The following NCAN variants were observed in gnomAD, a reference collection of about 807,000 sequenced individuals.
NCAN encodes neurocan core protein.
Under a neutral mutation model 121.8 loss-of-function variants are expected in NCAN, and 47 were observed. The ratio of observed to expected loss-of-function variants is 0.39; its 90% CI spans 0.31 to 0.49. The LOEUF is 0.49. Among genes scored for constraint, NCAN ranks in the 20% least tolerant of loss-of-function variants. The probability of loss-of-function intolerance (pLI) is 0.92; values close to 1 mark genes in which losing one functional copy is unlikely to be tolerated. For missense variants in NCAN, 1,517 were observed against 1,773.4 expected (o/e 0.86, Z 2.60); for synonymous variants, 633 against 702.0 (o/e 0.90, Z 1.55).
intron 13 of NCAN, among the ~76,000 whole-genome samples, chr19:19,248,216 G>A (rs569941033): frequency 6.6e-6 from 1 of 152,190 alleles, no homozygotes; most frequent in East Asian, 1.9e-4. Flanking sequence ...AGGACAAGGT[G>A]GGCAGCTCAT....
At chr19:19,216,135 A>G (rs1432460420) in intron 1 of NCAN, among the ~76,000 whole-genome samples, 1 of 151,800 alleles carries the variant, frequency 6.6e-6, no homozygotes, top group Non-Finnish European at 1.5e-5. Flanking sequence ...CATTGCTTGG[A>G]TTGTTTTTTG....
At chr19:19,213,688 G>T (rs1394962631) in intron 1 of NCAN, among the ~76,000 whole-genome samples, 1 of 152,018 alleles carries the variant, frequency 6.6e-6, no homozygotes, top group Non-Finnish European at 1.5e-5. Flanking sequence ...TATCTGGAGG[G>T]GCCAAGGGTT....
At chr19:19,248,938 A>C (rs1009793684) in intron 14 of NCAN, 56 bp downstream of exon 14, 49 of 1,569,572 alleles carry the variant, frequency 3.1e-5, no homozygotes, top group Non-Finnish European at 4.2e-5. Flanking sequence ...CTAGTTTCCA[A>C]GTAAGACATC....
At chr19:19,214,049 T>C (rs1222395169) in intron 1 of NCAN, among the ~76,000 whole-genome samples, 5 of 151,990 alleles carry the variant, frequency 3.3e-5, no homozygotes, top group African/African-American at 1.2e-4. Flanking sequence ...ACCCACCACA[T>C]GGCACAACCG....
At chr19:19,218,597 T>C (rs1440612297) in intron 2 of NCAN, among the ~76,000 whole-genome samples, 2 of 151,978 alleles carry the variant, frequency 1.3e-5, no homozygotes, top group Non-Finnish European at 2.9e-5. Flanking sequence ...CTCAGCCTCC[T>C]GAGTAGCTGG....
chr19:19,240,545 G>T, intron 11 of NCAN, 58 bp from the exon 12 acceptor site: 1 of 1,562,934 alleles, frequency 6.4e-7, no homozygotes, highest in Admixed American at 1.7e-5. Flanking sequence ...TGCAGCCTGT[G>T]CCCTGGGCCA....
At chr19:19,216,527 G>T (rs1226899802) in intron 1 of NCAN, among the ~76,000 whole-genome samples, 1 of 152,088 alleles carries the variant, frequency 6.6e-6, no homozygotes, top group Non-Finnish European at 1.5e-5. Context: ...GGTAAGGCTG[G>T]TCTCGAACCC....
rs962349863 is a variant in NCAN, at chr19:19,229,167, C to G, written c.3019+528C>G. Among the ~76,000 whole-genome samples the G allele has an allele frequency of 5.3e-5, 8 of 152,300 alleles. No individual in the cohort carries two copies. The East Asian group carries it at 1.5e-3, about 29-fold the overall frequency. ...AGGTTGCAGTGAGCTGAGATTGTAC[C>G]ACTGCACTTCCAGCCTGGGTGACAG... On this transcript the variant is annotated intron_variant, in intron 8 of 14. Transcript: ENST00000252575.
rs185683851 is a variant in NCAN, at chr19:19,232,483, G to A, written c.3020-1306G>A. On this transcript the variant is annotated intron_variant, in intron 8 of 14. Coordinates refer to ENST00000252575, the MANE Select transcript of NCAN (RefSeq NM_004386.3). ...CACAGGCCCTGCCATCCACAAGCCC[G>A]TTTGCCATCCATGGGGCCACCCCAG... Among the ~76,000 whole-genome samples the A allele has an allele frequency of 1.4e-4, 21 of 152,336 alleles. No individual in the cohort carries two copies. In the East Asian group the frequency reaches 3.3e-3, roughly 24 times the overall value.
chr19:19,241,512 C>G (rs562509554), intron 12 of NCAN, among the ~76,000 whole-genome samples: 2 of 151,890 alleles, frequency 1.3e-5, no homozygotes, highest in Non-Finnish European at 2.9e-5. Context: ...CCCCTTCTCC[C>G]GCTGTGTAAA....
Position 19,249,938 on chromosome 19 carries a change from C to T in NCAN, c.*27C>T, listed in dbSNP as rs759520331. 2 of 1,598,332 alleles carry T rather than the reference C, an allele frequency of 1.3e-6. No homozygotes were observed. Among genetic ancestry groups the T allele is most frequent in the Non-Finnish European group, 8.5e-7 (1 of 1,171,676 alleles). On this transcript the variant is annotated 3_prime_UTR_variant, in exon 15 of 15. Coordinates refer to ENST00000252575, the MANE Select transcript of NCAN (RefSeq NM_004386.3). ...GAACCAGAAAAAAGAAAGCACAACA[C>T]CTTTCCCATGCCTCCTCTGGAGCCT... is the stretch of plus-strand genomic sequence containing the variant.
intron 8 of NCAN, among the ~76,000 whole-genome samples, chr19:19,231,345 T>G (rs1452563016): frequency 6.6e-6 from 1 of 151,244 alleles, no homozygotes; most frequent in East Asian, 2.0e-4. Flanking sequence ...TTTTTTTTTT[T>G]TGAGAGAGAG....
Position 19,233,849 on chromosome 19 carries a change from G to T in NCAN, c.3080G>T (p.Gly1027Val), listed in dbSNP as rs760561094. The T allele has an allele frequency of 1.2e-6, 2 of 1,613,986 alleles. No homozygotes were observed. Among genetic ancestry groups the T allele is most frequent in the East Asian group, 2.2e-5 (1 of 44,890 alleles). The change falls in exon 9 of 15, where the codon GGC (glycine) becomes GTC (valine). Residue 1027 changes from glycine to valine, a missense_variant. Coordinates refer to ENST00000252575, the MANE Select transcript of NCAN (RefSeq NM_004386.3). ...CLHGGTCNAN[G>V]TMYGCSCDQG... ...CATGGAGGGACATGTAATGCCAATG[G>T]CACCATGTATGGCTGTAGCTGTGAT...
Position 19,219,041 on chromosome 19 carries a change from C to T in NCAN, c.200C>T (p.Pro67Leu). 6.2e-7 allele frequency: 1 copy of T among 1,612,040 alleles called. No homozygotes were observed. The highest frequency in any genetic ancestry group is 1.3e-5 in the African/African-American group (1 of 75,030). ...TGTCTCTTTACCCTGCAGCCACGGC[C>T]AAGCGCAGCCCGAGATGCCCCTCGG... ...LPCLFTLQPR[P>L]SAARDAPRIK... Residue 67 changes from proline to leucine, a missense_variant, in exon 3 of 15, where the codon CCA becomes CTA. Transcript: ENST00000252575.
Position 19,245,812 on chromosome 19 carries a change from G to T in NCAN, c.3637+355G>T, listed in dbSNP as rs1181157411. 4.6e-5 allele frequency among the ~76,000 whole-genome samples: 7 copies of T among 151,582 alleles called. No homozygotes were observed. The South Asian group carries it at 6.2e-4, about 13-fold the overall frequency. On this transcript the variant is annotated intron_variant, in intron 13 of 14. Transcript: ENST00000252575. ...TTTTTTTTTTCATGAAGCATTCAGA[G>T]TACACAAATTTAGAGACAAGAAGTA...
rs143486495 is a variant in NCAN, at chr19:19,235,331, G to A, written c.3250+235G>A. Among the ~76,000 whole-genome samples the A allele has an allele frequency of 4.0e-3, 609 of 151,616 alleles. 5 individuals are homozygous for A. The highest frequency in any genetic ancestry group is 5.1e-3 in the Non-Finnish European group (346 of 67,852). ...GTCACCCAGGCTGGAGTGCAGTGGCGCCATCTCAGCTCACTGCAACCCCCA... is the reference window on the plus strand; with the variant it reads ...GTCACCCAGGCTGGAGTGCAGTGGCACCATCTCAGCTCACTGCAACCCCCA... On this transcript the variant is annotated intron_variant, in intron 10 of 14. Coordinates refer to ENST00000252575, the MANE Select transcript of NCAN (RefSeq NM_004386.3).
chr19:19,250,081 C>A lies in NCAN; in HGVS notation c.*170C>A. The stretch of plus-strand genomic sequence containing the variant: ...AAAGCTCCTCTTTTCCCTTTTTTTA[C>A]ATACACAAGATCCTCTTGGCAGGTG... On this transcript the variant is annotated 3_prime_UTR_variant, in exon 15 of 15. Coordinates refer to ENST00000252575, the MANE Select transcript of NCAN (RefSeq NM_004386.3). 1.3e-6 allele frequency: 1 copy of A among 796,876 alleles called. No individual in the cohort carries two copies. The highest frequency in any genetic ancestry group is 1.5e-5 in the South Asian group (1 of 68,578). 49.4% of individuals were successfully genotyped at this position (796,876 alleles called of 1,614,324 possible).
chr19:19,231,357 GTC>G (rs933846981), intron 8 of NCAN, among the ~76,000 whole-genome samples: 1 of 149,584 alleles, frequency 6.7e-6, no homozygotes, highest in African/African-American at 2.5e-5. Context: ...GAGAGAGAGA[GTC>G]TTTCTCCGTC....
In NCAN at chr19:19,214,128, T is replaced by C. The variant is rs181519318; in HGVS notation, c.-8+2064T>C. Among the ~76,000 whole-genome samples, 19 of 152,178 alleles carry C rather than the reference T, an allele frequency of 1.2e-4. No individual in the cohort carries two copies. The East Asian group carries it at 2.7e-3, about 22-fold the overall frequency. On this transcript the variant is annotated intron_variant, in intron 1 of 14. Coordinates refer to ENST00000252575, the MANE Select transcript of NCAN (RefSeq NM_004386.3). ...AGTCACAAACACTCACAAATGCCCATTGGCAAACTCACCTTCACTCAGTGC... is the reference window on the plus strand; with the variant it reads ...AGTCACAAACACTCACAAATGCCCACTGGCAAACTCACCTTCACTCAGTGC...
Sources: allele counts gnomAD v4.1 joint callset (sites outside exome capture counted in the v4.1 genomes callset), GRCh38; gene constraint gnomAD v4.1.1; transcripts MANE v1.5; gene names NCBI Gene and HGNC (gene_info 2026-07-23, HGNC 2026-07-21).